ATP8A2: variants seen among roughly 807,000 people sequenced by gnomAD.
ATP8A2 encodes ATPase phospholipid transporting 8A2.
A neutral mutation model predicts 165.6 loss-of-function variants in ATP8A2; 100 were observed. The ratio of observed to expected loss-of-function variants is 0.60; its 90% CI spans 0.51 to 0.71. The LOEUF (loss-of-function observed/expected upper bound fraction) is 0.71, where lower values mean the gene tolerates loss of function less well. Among genes scored for constraint, ATP8A2 ranks in the 30% least tolerant of loss-of-function variants. ATP8A2 has a pLI of 0.00. For synonymous variants in ATP8A2, 543 were observed against 548.8 expected, an observed-to-expected ratio of 0.99 and a Z score of 0.15; for missense variants, 1,227 against 1,479.5, an observed-to-expected ratio of 0.83 and a Z score of 2.80.
intron 35 of ATP8A2, among the ~76,000 whole-genome samples, chr13:25,993,123 A>G (rs2139296784): frequency 6.6e-6 from 1 of 151,814 alleles, no homozygotes; most frequent in South Asian, 2.1e-4. Context: ...AGTCTTTGCT[A>G]TTGTGAATAA....
chr13:25,969,833 G>A lies in ATP8A2; in HGVS notation c.3377+1154G>A, dbSNP rs531618977. 3.3e-5 allele frequency among the ~76,000 whole-genome samples: 5 copies of A among 152,284 alleles called. No individual in the cohort carries two copies. In the East Asian group the frequency reaches 9.7e-4, roughly 29 times the overall value. On this transcript the variant is annotated intron_variant, in intron 35 of 36. Transcript: ENST00000381655. ...CACTGTCTTCCATAAGCTTAAGTTT[G>A]TGAATACATGGGGATGGGGGCTGAT...
chr13:25,746,274 G>A (rs576099311), intron 25 of ATP8A2, among the ~76,000 whole-genome samples: 1 of 152,246 alleles, frequency 6.6e-6, no homozygotes, highest in African/African-American at 2.4e-5. Context: ...AGGAAGTCTT[G>A]TTCATGGCTC....
At chr13:25,480,153 C>T (rs1162918988) in intron 2 of ATP8A2, among the ~76,000 whole-genome samples, 13 of 146,984 alleles carry the variant, frequency 8.8e-5, no homozygotes, top group Admixed American at 8.8e-4. Flanking sequence ...GATGGGGCAG[C>T]TGGCCGGGTG....
At chr13:25,688,051 A>G (rs1413861871) in intron 24 of ATP8A2, among the ~76,000 whole-genome samples, 1 of 151,978 alleles carries the variant, frequency 6.6e-6, no homozygotes, top group Non-Finnish European at 1.5e-5. Flanking sequence ...CATACTTTAC[A>G]GGCCTGGGAT....
At chr13:25,542,941 C>A (rs1187153154) in intron 9 of ATP8A2, among the ~76,000 whole-genome samples, 2 of 152,094 alleles carry the variant, frequency 1.3e-5, no homozygotes, top group Non-Finnish European at 2.9e-5. Flanking sequence ...AATAATAATA[C>A]TTCCAATAAT....
At chr13:25,624,395 T>C (rs1280362740) in intron 24 of ATP8A2, among the ~76,000 whole-genome samples, 1 of 152,198 alleles carries the variant, frequency 6.6e-6, no homozygotes, top group African/African-American at 2.4e-5. Context: ...GATTGAGTTA[T>C]AACCTTCACT....
At chr13:25,531,802 G>A (rs2038123278) in intron 4 of ATP8A2, among the ~76,000 whole-genome samples, 1 of 152,126 alleles carries the variant, frequency 6.6e-6, no homozygotes, top group South Asian at 2.1e-4. Context: ...TAAATTTCAT[G>A]TTTAGACTTG....
chr13:25,763,696 A>G (rs2044431980), intron 25 of ATP8A2, among the ~76,000 whole-genome samples: 1 of 152,180 alleles, frequency 6.6e-6, no homozygotes, highest in African/African-American at 2.4e-5. Context: ...GAAATATACC[A>G]AAATCTGGGC....
At chr13:25,817,480 A>G (rs759987356) in intron 27 of ATP8A2, among the ~76,000 whole-genome samples, 44 of 152,066 alleles carry the variant, frequency 2.9e-4, no homozygotes, top group Non-Finnish European at 5.3e-4. Flanking sequence ...AATGTTTACC[A>G]GACTTCTTTT....
intron 2 of ATP8A2, among the ~76,000 whole-genome samples, chr13:25,480,604 C>G (rs1188964406): frequency 6.6e-6 from 1 of 150,980 alleles, no homozygotes; most frequent in Non-Finnish European, 1.5e-5. Flanking sequence ...GGATGGCGGC[C>G]GGGAAGAGGC....
chr13:25,840,193 C>G (rs116378569), intron 30 of ATP8A2, among the ~76,000 whole-genome samples: 1 of 152,158 alleles, frequency 6.6e-6, no homozygotes, highest in Admixed American at 6.5e-5. Flanking sequence ...TTTTTTCACA[C>G]TTCTTAACAC....
At chr13:25,674,106 T>A (rs2137766699) in intron 24 of ATP8A2, among the ~76,000 whole-genome samples, 1 of 152,258 alleles carries the variant, frequency 6.6e-6, no homozygotes, top group East Asian at 1.9e-4. Flanking sequence ...GTGGTGTTAG[T>A]GTCTTTAGTT....
chr13:25,559,824 T>A, intron 15 of ATP8A2, 59 bp downstream of exon 15: 8 of 1,245,580 alleles, frequency 6.4e-6, no homozygotes, highest in Non-Finnish European at 9.4e-6. Flanking sequence ...AATAATTATT[T>A]ATTATTATTC....
Position 25,514,674 on chromosome 13 carries a change from G to T in ATP8A2, c.222-15325G>T, listed in dbSNP as rs570438855. ...AACTCTTTATAGTTTATCTTGTGGGGTTCCTCCAGATTCCTAGCCCTGATT... is the reference window on the plus strand; with the variant it reads ...AACTCTTTATAGTTTATCTTGTGGGTTTCCTCCAGATTCCTAGCCCTGATT... On this transcript the variant is annotated intron_variant, in intron 2 of 36. Coordinates refer to ENST00000381655, the MANE Select transcript of ATP8A2 (RefSeq NM_016529.6). Among the ~76,000 whole-genome samples the T allele has an allele frequency of 4.6e-5, 7 of 152,298 alleles. 1 individual carries two copies. Among genetic ancestry groups the T allele is most frequent in the Admixed American group, 2.6e-4 (4 of 15,300 alleles).
At chr13:25,520,323 A>G (rs2037621448) in intron 2 of ATP8A2, among the ~76,000 whole-genome samples, 1 of 152,166 alleles carries the variant, frequency 6.6e-6, no homozygotes, top group African/African-American at 2.4e-5. Context: ...CTCCAGTTCA[A>G]TTTATGTTGC....
intron 25 of ATP8A2, among the ~76,000 whole-genome samples, chr13:25,737,745 C>T (rs151066578): frequency 1.2e-4 from 18 of 152,286 alleles, no homozygotes; most frequent in East Asian, 7.7e-4. Flanking sequence ...TGCAGTAGCG[C>T]GATCTCAGTT....
intron 28 of ATP8A2, among the ~76,000 whole-genome samples, chr13:25,833,416 C>CA (rs1951527795): frequency 6.6e-6 from 1 of 151,758 alleles, no homozygotes; most frequent in African/African-American, 2.4e-5. Context: ...AAAGCATGCT[C>CA]AAAAAAAGAA....
intron 19 of ATP8A2, among the ~76,000 whole-genome samples, 190 bp downstream of exon 19, chr13:25,575,047 T>A (rs2039578016): frequency 6.6e-6 from 1 of 152,212 alleles, no homozygotes. Flanking sequence ...GTAGGTTATT[T>A]TTCTTTGTTT....
Position 25,570,710 on chromosome 13 carries a change from G to C in ATP8A2, c.1474-57G>C, listed in dbSNP as rs575989031. 14 of 1,351,786 alleles carry C rather than the reference G, an allele frequency of 1.0e-5. 1 individual carries two copies. In the South Asian group the frequency reaches 1.7e-4, roughly 17 times the overall value. 83.7% of individuals were successfully genotyped at this position (1,351,786 alleles called of 1,614,324 possible). On this transcript the variant is annotated intron_variant, in intron 16 of 36. Transcript: ENST00000381655. ...GTTAGTTGGGGATCTGCTTGTGTGA[G>C]CCCTGGTGCCTGTTGAAGGTGTTGT...
Sources: allele counts gnomAD v4.1 joint callset (sites outside exome capture counted in the v4.1 genomes callset), GRCh38; gene constraint gnomAD v4.1.1; transcripts MANE v1.5; gene names NCBI Gene and HGNC (gene_info 2026-07-23, HGNC 2026-07-21).